FBXO34: variants seen among roughly 807,000 people sequenced by gnomAD.
The protein encoded by FBXO34 is F-box protein 34.
A neutral mutation model predicts 24.5 loss-of-function variants in FBXO34; 12 were observed. The ratio of observed to expected loss-of-function variants is 0.49; its 90% confidence interval spans 0.31 to 0.79. The LOEUF (loss-of-function observed/expected upper bound fraction) is 0.79, where lower values mean the gene tolerates loss of function less well. Ranked by LOEUF, FBXO34 falls within the 30% of genes least tolerant of loss-of-function variation. FBXO34 has a pLI of 0.04. For synonymous variants in FBXO34, 320 were observed against 311.9 expected, an observed-to-expected ratio of 1.03 and a Z score of -0.27; for missense variants, 823 against 857.7, an observed-to-expected ratio of 0.96 and a Z score of 0.51.
At chr14:55,422,793 C>T in the FBXO34 span, among the ~76,000 whole-genome samples, 1 of 152,086 alleles carries the variant, frequency 6.6e-6, no homozygotes, top group African/African-American at 2.4e-5. Flanking sequence ...GTGGAGGTTG[C>T]AGTGAGCTGA....
chr14:55,357,964 C>T (rs1057341637), downstream of FBXO34, among the ~76,000 whole-genome samples: 1 of 152,198 alleles, frequency 6.6e-6, no homozygotes, highest in Non-Finnish European at 1.5e-5. Context: ...AATCTATTTG[C>T]ATAACTTGAG....
chr14:55,368,166 T>C (rs1470110428), downstream of FBXO34: 1 of 152,668 alleles, frequency 6.6e-6, no homozygotes, highest in Non-Finnish European at 1.5e-5. Context: ...TCTTGTAAGA[T>C]TGTCACTAAA....
the FBXO34 span, among the ~76,000 whole-genome samples, chr14:55,387,573 C>T: frequency 3.9e-5 from 6 of 152,146 alleles, no homozygotes; most frequent in Admixed American, 6.5e-5. Flanking sequence ...GGGTATAAAA[C>T]GTACCTGATA....
chr14:55,420,015 C>G, the FBXO34 span, among the ~76,000 whole-genome samples: 2 of 152,166 alleles, frequency 1.3e-5, no homozygotes, highest in Non-Finnish European at 2.9e-5. Context: ...GAAAGGAGAC[C>G]GCCTTGGTTC....
the FBXO34 span, among the ~76,000 whole-genome samples, chr14:55,420,174 G>T: frequency 6.6e-6 from 1 of 152,272 alleles, no homozygotes; most frequent in Non-Finnish European, 1.5e-5. Context: ...AGGTTCAAGC[G>T]ATTCTCCTGC....
At chr14:55,305,457 G>A (rs943886345) in intron 1 of FBXO34, among the ~76,000 whole-genome samples, 1 of 151,742 alleles carries the variant, frequency 6.6e-6, no homozygotes, top group African/African-American at 2.4e-5. Context: ...GGTGCGTGGT[G>A]GCTGAGGCGA....
At chr14:55,281,987 T>G (rs1003118960) in intron 1 of FBXO34, among the ~76,000 whole-genome samples, 30 of 141,630 alleles carry the variant, frequency 2.1e-4, no homozygotes, top group Non-Finnish European at 1.2e-4. Context: ...ATTTTTAAAT[T>G]TAGCTTTTTT....
chr14:55,294,445 G>A (rs947999551), intron 1 of FBXO34, among the ~76,000 whole-genome samples: 2 of 152,034 alleles, frequency 1.3e-5, no homozygotes, highest in Non-Finnish European at 2.9e-5. Context: ...ACACCACAGG[G>A]TTTTGCCACA....
chr14:55,431,054 C>G, the FBXO34 span, among the ~76,000 whole-genome samples: 1 of 152,300 alleles, frequency 6.6e-6, no homozygotes, highest in Admixed American at 6.5e-5. Context: ...TAAAATCTCA[C>G]CCATACTGGT....
At chr14:55,296,809 C>G (rs1413874650) in intron 1 of FBXO34, among the ~76,000 whole-genome samples, 1 of 152,142 alleles carries the variant, frequency 6.6e-6, no homozygotes, top group Non-Finnish European at 1.5e-5. Context: ...AAAATTTTGA[C>G]TAGAATATTC....
At chr14:55,283,972 G>C (rs9743947) in intron 1 of FBXO34, among the ~76,000 whole-genome samples, 1 of 148,336 alleles carries the variant, frequency 6.7e-6, no homozygotes, top group African/African-American at 2.6e-5. Flanking sequence ...GTGTGTGTGT[G>C]TGTCTGTGTG....
the FBXO34 span, chr14:55,411,794 C>G: frequency 2.5e-6 from 4 of 1,600,114 alleles, no homozygotes; most frequent in Non-Finnish European, 3.4e-6. Context: ...CTCCAGCGCC[C>G]GGGCTCCCTT....
At chr14:55,380,619 G>C in the FBXO34 span, 1 of 1,613,192 alleles carries the variant, frequency 6.2e-7, no homozygotes, top group Non-Finnish European at 8.5e-7. Flanking sequence ...ATATGAGACA[G>C]AATGTTGACC....
chr14:55,320,575 C>T (rs1883095836), intron 1 of FBXO34, among the ~76,000 whole-genome samples: 2 of 152,164 alleles, frequency 1.3e-5, no homozygotes, highest in South Asian at 2.1e-4. Flanking sequence ...CACGGTGAAA[C>T]CCCGTCTCTA....
chr14:55,421,548 C>T, the FBXO34 span, among the ~76,000 whole-genome samples: 1 of 152,214 alleles, frequency 6.6e-6, no homozygotes, highest in Admixed American at 6.5e-5. Context: ...ACTGCAGCCT[C>T]TGCCTCCCAG....
the FBXO34 span, among the ~76,000 whole-genome samples, chr14:55,431,024 A>C: frequency 6.6e-6 from 1 of 152,238 alleles, no homozygotes; most frequent in Non-Finnish European, 1.5e-5. Context: ...TACAAACATT[A>C]GAAAGTAGTT....
At chr14:55,400,625 C>G in the FBXO34 span, among the ~76,000 whole-genome samples, 1 of 152,034 alleles carries the variant, frequency 6.6e-6, no homozygotes, top group Non-Finnish European at 1.5e-5. Flanking sequence ...TAAACTGGGC[C>G]GGTGCGGTGG....
At chr14:55,337,315 C>T (rs150871422) in intron 1 of FBXO34, among the ~76,000 whole-genome samples, 2 of 152,312 alleles carry the variant, frequency 1.3e-5, no homozygotes, top group South Asian at 2.1e-4. Context: ...CTTCTATTCT[C>T]TAGCATTTCT....
At chr14:55,401,648 AT>A in the FBXO34 span, among the ~76,000 whole-genome samples, 7 of 151,488 alleles carry the variant, frequency 4.6e-5, no homozygotes, top group East Asian at 7.7e-4. Flanking sequence ...ATGACTTATG[AT>A]TTTTTTTTCT....
Sources: allele counts gnomAD v4.1 joint callset (sites outside exome capture counted in the v4.1 genomes callset), GRCh38; gene constraint gnomAD v4.1.1; transcripts MANE v1.5; gene names NCBI Gene and HGNC (gene_info 2026-07-23, HGNC 2026-07-21).